The following NMT2 variants were observed in gnomAD, a reference collection of about 807,000 sequenced individuals.
NMT2 encodes the protein glycylpeptide N-tetradecanoyltransferase 2.
Under a neutral mutation model 65.4 loss-of-function variants are expected in NMT2, and 35 were observed. The ratio of observed to expected loss-of-function variants is 0.54; its 90% CI spans 0.41 to 0.71. The LOEUF is 0.71. Ranked by LOEUF, NMT2 falls within the 30% of genes least tolerant of loss-of-function variation. The pLI, the probability that NMT2 is intolerant of heterozygous loss-of-function variation, is 0.00. For synonymous variants in NMT2, 226 were observed against 231.8 expected (o/e 0.98, Z 0.23); for missense variants, 489 against 611.3 (o/e 0.80, Z 2.11).
chr10:15,138,396 G>A (rs1240438029), intron 2 of NMT2: 1 of 471,014 alleles, frequency 2.1e-6, no homozygotes, highest in Non-Finnish European at 4.4e-6. Flanking sequence ...ACTCAGCTAT[G>A]ATCATTTCTC....
intron 3 of NMT2, 66 bp downstream of exon 3, chr10:15,135,207 GT>G: frequency 7.3e-7 from 1 of 1,377,434 alleles, no homozygotes; most frequent in Non-Finnish European, 1.0e-6. Context: ...TGTTGTTGTT[GT>G]TGTTGTTGTT....
chr10:15,157,894 G>C (rs1296472080), intron 1 of NMT2, among the ~76,000 whole-genome samples: 2 of 152,174 alleles, frequency 1.3e-5, no homozygotes, highest in Non-Finnish European at 2.9e-5. Context: ...GTAGTTTAGT[G>C]AAAAGCAACA....
rs1366377971 is a variant in NMT2, at chr10:15,107,270, G to T, written c.*1925C>A. ...AAATAAAAACATTCTTAGCCTGTGG[G>T]CTACACAAAAATAAGCAATGGGCTG... On this transcript the variant is annotated 3_prime_UTR_variant, in exon 12 of 12. Coordinates refer to ENST00000378165, the MANE Select transcript of NMT2 (RefSeq NM_004808.3). 1.2e-6 allele frequency: 1 copy of T among 862,396 alleles called. No individual in the cohort carries two copies. The highest frequency in any genetic ancestry group is 1.4e-6 in the Non-Finnish European group (1 of 717,904). 53.4% of individuals were successfully genotyped at this position (862,396 alleles called of 1,614,324 possible). A position where few individuals can be genotyped will look rare whatever the true frequency, so the allele number is the denominator to read the frequency against.
At chr10:15,119,819 C>T (rs899654148) in intron 8 of NMT2, among the ~76,000 whole-genome samples, 2 of 152,196 alleles carry the variant, frequency 1.3e-5, no homozygotes, top group African/African-American at 4.8e-5. Flanking sequence ...ATGACCCAAA[C>T]AAACATCAAA....
At chr10:15,164,355 C>T (rs192703438) in intron 1 of NMT2, among the ~76,000 whole-genome samples, 230 of 152,198 alleles carry the variant, frequency 1.5e-3, no homozygotes, top group African/African-American at 5.4e-3. Context: ...GCTCTCTTAA[C>T]GGAAAGCTAT....
At chr10:15,119,855 C>T (rs12357100) in intron 8 of NMT2, among the ~76,000 whole-genome samples, 10,725 of 152,172 alleles carry the variant, frequency 0.07, 656 homozygotes, top group African/African-American at 0.17. Flanking sequence ...TCATGATGTA[C>T]GCCAATACCC....
At chr10:15,118,062 G>A (rs1258144737) in intron 9 of NMT2, among the ~76,000 whole-genome samples, 2 of 152,132 alleles carry the variant, frequency 1.3e-5, no homozygotes, top group Non-Finnish European at 1.5e-5. Context: ...TAATTAAAAT[G>A]ATCTTGACAA....
At chr10:15,111,460 G>A (rs1253138523) in intron 10 of NMT2, among the ~76,000 whole-genome samples, 1 of 140,018 alleles carries the variant, frequency 7.1e-6, no homozygotes, top group Non-Finnish European at 1.5e-5. Flanking sequence ...GCAGTGAGCC[G>A]AGACTGTGCC....
chr10:15,124,435 T>C (rs192023044), intron 8 of NMT2, among the ~76,000 whole-genome samples: 16 of 152,338 alleles, frequency 1.1e-4, no homozygotes, highest in Admixed American at 1.0e-3. Flanking sequence ...CATCCTCCTG[T>C]GGCTGTTGTG....
intron 3 of NMT2, among the ~76,000 whole-genome samples, chr10:15,134,349 T>G (rs1461878625): frequency 6.6e-6 from 1 of 152,188 alleles, no homozygotes; most frequent in African/African-American, 2.4e-5. Flanking sequence ...CTGGCCATGA[T>G]GACCGGGGCA....
At chr10:15,154,798 A>C in intron 1 of NMT2, 1 of 753,216 alleles carries the variant, frequency 1.3e-6, no homozygotes. Context: ...AGTCAAACTT[A>C]TTAGAGTTGT....
In NMT2 at chr10:15,152,475, T is replaced by C. The variant is rs143149876; in HGVS notation, c.111-10918A>G. Among the ~76,000 whole-genome samples, 35 of 152,340 alleles carry C rather than the reference T, an allele frequency of 2.3e-4. No homozygotes were observed. The East Asian group carries it at 6.0e-3, about 26-fold the overall frequency. On this transcript the variant is annotated intron_variant, in intron 1 of 11. Transcript: ENST00000378165. ...CTGGGGTCTCTCCTTTGCCAAAACGTATCTTTTCCCCTTTTCCTTAGGAAG... is the reference window on the plus strand; with the variant it reads ...CTGGGGTCTCTCCTTTGCCAAAACGCATCTTTTCCCCTTTTCCTTAGGAAG...
rs895122836 is a variant in NMT2 at position 15,106,878 on chromosome 10, A to G, written c.*2317T>C. Among the ~76,000 whole-genome samples, 1 of 152,232 alleles carries G rather than the reference A, an allele frequency of 6.6e-6. No individual in the cohort carries two copies. Among genetic ancestry groups the G allele is most frequent in the Non-Finnish European group, 1.5e-5 (1 of 68,046 alleles). ...TACTTTGGGAGGCCAAGGCAGAAGGATCACTTGAGGCCAGGAGTTAAAGAC... is the reference window on the plus strand; with the variant it reads ...TACTTTGGGAGGCCAAGGCAGAAGGGTCACTTGAGGCCAGGAGTTAAAGAC... On this transcript the variant is annotated 3_prime_UTR_variant, in exon 12 of 12. Coordinates refer to ENST00000378165, the MANE Select transcript of NMT2 (RefSeq NM_004808.3).
chr10:15,111,042 T>A (rs1412488055), intron 10 of NMT2, among the ~76,000 whole-genome samples: 1 of 151,980 alleles, frequency 6.6e-6, no homozygotes, highest in Non-Finnish European at 1.5e-5. Flanking sequence ...TCCACCTGCC[T>A]TGGCCTTCCA....
intron 7 of NMT2, 81 bp from the exon 8 acceptor site, chr10:15,128,539 C>A (rs1846174380): frequency 6.9e-6 from 6 of 866,522 alleles, no homozygotes; most frequent in Middle Eastern, 3.3e-4. Flanking sequence ...TTGGCTGTTA[C>A]ATAAGCATTT....
intron 1 of NMT2, 137 bp downstream of exon 1, chr10:15,168,366 C>G: frequency 1.9e-6 from 1 of 521,938 alleles, no homozygotes; most frequent in South Asian, 1.8e-5. Context: ...TCACCATGGG[C>G]TCCGCGCCAC....
At chr10:15,163,982 A>G (rs1833288420) in intron 1 of NMT2, among the ~76,000 whole-genome samples, 1 of 152,106 alleles carries the variant, frequency 6.6e-6, no homozygotes, top group Non-Finnish European at 1.5e-5. Flanking sequence ...GATGGAGACC[A>G]TCCTGGCTAA....
At chr10:15,114,978 G>A (rs1215989703) in intron 9 of NMT2, among the ~76,000 whole-genome samples, 1 of 151,862 alleles carries the variant, frequency 6.6e-6, no homozygotes, top group Non-Finnish European at 1.5e-5. Context: ...CTCCAGCCTG[G>A]GTGACAGAGC....
chr10:15,126,583 C>A (rs1169097879), intron 8 of NMT2, among the ~76,000 whole-genome samples: 3 of 152,152 alleles, frequency 2.0e-5, no homozygotes, highest in Admixed American at 2.0e-4. Flanking sequence ...TGTGAGCTAC[C>A]CTATGGAGAA....
Sources: allele counts gnomAD v4.1 joint callset (sites outside exome capture counted in the v4.1 genomes callset), GRCh38; gene constraint gnomAD v4.1.1; transcripts MANE v1.5; gene names NCBI Gene and HGNC (gene_info 2026-07-23, HGNC 2026-07-21).